The following PCDHA3 variants were observed in gnomAD, a reference collection of about 807,000 sequenced individuals.
PCDHA3 encodes protocadherin alpha-3.
In PCDHA3, 41 loss-of-function variants were observed where a neutral mutation model predicts 62.2. The ratio of observed to expected loss-of-function variants is 0.66; its 90% CI spans 0.51 to 0.86. PCDHA3 has a LOEUF of 0.86. Ranked by LOEUF, PCDHA3 falls within the 40% of genes least tolerant of loss-of-function variation. The pLI, the probability that PCDHA3 is intolerant of heterozygous loss-of-function variation, is 0.00. For synonymous variants in PCDHA3, 640 were observed against 555.4 expected, an observed-to-expected ratio of 1.15 and a Z score of -2.14; for missense variants, 1,304 against 1,241.2, an observed-to-expected ratio of 1.05 and a Z score of -0.76.
intron 1 of PCDHA3, chr5:140,968,323 C>T (rs1554230616): frequency 1.2e-6 from 2 of 1,614,114 alleles, no homozygotes; most frequent in East Asian, 2.2e-5. Flanking sequence ...TGCCAGTCAC[C>T]TCCTATGTCT....
intron 3 of PCDHA3, among the ~76,000 whole-genome samples, chr5:140,994,608 G>C (rs1231327885): frequency 1.3e-5 from 2 of 152,098 alleles, no homozygotes; most frequent in Admixed American, 1.3e-4. Context: ...GGGAGGCTGA[G>C]GCACGAGAGT....
chr5:140,843,762 T>G, intron 1 of PCDHA3: 4 of 1,493,648 alleles, frequency 2.7e-6, no homozygotes, highest in Non-Finnish European at 3.7e-6. Context: ...TTGTGGAAAT[T>G]GTAGTTACTT....
rs190030565 is a variant in PCDHA3, at chr5:140,999,153, C to T, written c.2543-10474C>T. Among the ~76,000 whole-genome samples, 42 of 152,242 alleles carry T rather than the reference C, an allele frequency of 2.8e-4. 1 individual carries two copies. In the East Asian group the frequency reaches 5.2e-3, roughly 19 times the overall value. Reference sequence around the variant, plus strand: ...AATGTCACAGCCGGAAGTCTTCAGTCCCCTAGAAGGAAAAGAGCCTGATGG... The same window carrying T: ...AATGTCACAGCCGGAAGTCTTCAGTTCCCTAGAAGGAAAAGAGCCTGATGG... On this transcript the variant is annotated intron_variant, in intron 3 of 3. Coordinates refer to ENST00000522353, the MANE Select transcript of PCDHA3 (RefSeq NM_018906.3).
rs201762893 is a variant in PCDHA3, at chr5:140,829,796, C to G, written c.2394+26205C>G. The stretch of plus-strand genomic sequence containing the variant: ...CAACGCGCCGGCGCTGCTGGCGCCT[C>G]GGGTGGGTGGTACTGGTGGTGCAGT... On this transcript the variant is annotated intron_variant, in intron 1 of 3. Transcript: ENST00000522353. The G allele has an allele frequency of 6.8e-4, 1,090 of 1,613,774 alleles. 9 individuals carry two copies. Among genetic ancestry groups the G allele is most frequent in the East Asian group, 3.1e-4 (14 of 44,862 alleles).
At chr5:140,985,148 A>G (rs2097138818) in intron 3 of PCDHA3, among the ~76,000 whole-genome samples, 1 of 152,192 alleles carries the variant, frequency 6.6e-6, no homozygotes, top group South Asian at 2.1e-4. Context: ...CGTGTTAGCC[A>G]GGATTGTCTC....
rs145175505 is a variant in PCDHA3 at position 140,843,176 on chromosome 5, C to G, written c.2394+39585C>G. On this transcript the variant is annotated intron_variant, in intron 1 of 3. Coordinates refer to ENST00000522353, the MANE Select transcript of PCDHA3 (RefSeq NM_018906.3). Reference sequence around the variant, plus strand: ...GCTGCAGCCAGCTGCAAGCAGCCCTCGCATCCCGTTCCGCGTGGGGCTGTA... The same window carrying G: ...GCTGCAGCCAGCTGCAAGCAGCCCTGGCATCCCGTTCCGCGTGGGGCTGTA... 2 of 1,595,968 alleles carry G rather than the reference C, an allele frequency of 1.3e-6. No homozygotes were observed. Among genetic ancestry groups the G allele is most frequent in the Non-Finnish European group, 1.7e-6 (2 of 1,165,618 alleles).
At chr5:140,857,347 G>A (rs781930086) in intron 1 of PCDHA3, 5 of 1,598,352 alleles carry the variant, frequency 3.1e-6, no homozygotes, top group Non-Finnish European at 4.3e-6. Context: ...GCTCGCCTCC[G>A]CTGTGGGCCA....
intron 1 of PCDHA3, chr5:140,850,280 C>G: frequency 6.3e-7 from 1 of 1,595,478 alleles, no homozygotes; most frequent in Non-Finnish European, 8.6e-7. Flanking sequence ...GGAAGGTGCG[C>G]GCAGTGGACG....
intron 1 of PCDHA3, among the ~76,000 whole-genome samples, chr5:140,806,403 G>A (rs2149990509): frequency 6.6e-6 from 1 of 152,328 alleles, no homozygotes; most frequent in South Asian, 2.1e-4. Context: ...GAGCAAATGA[G>A]TTCCAATGAA....
At chr5:140,936,007 C>G (rs1338541274) in intron 1 of PCDHA3, among the ~76,000 whole-genome samples, 3 of 151,820 alleles carry the variant, frequency 2.0e-5, no homozygotes, top group African/African-American at 7.3e-5. Flanking sequence ...ATTCTCCCAC[C>G]TCAGCCTCCC....
chr5:140,989,517 G>A (rs782479733), intron 3 of PCDHA3, among the ~76,000 whole-genome samples: 4 of 152,186 alleles, frequency 2.6e-5, no homozygotes, highest in Non-Finnish European at 5.9e-5. Flanking sequence ...CCTGAGTTGA[G>A]GGCAGAGGAG....
intron 1 of PCDHA3, chr5:140,871,236 ACTCACGCTG>A: frequency 6.2e-7 from 1 of 1,613,908 alleles, no homozygotes; most frequent in Non-Finnish European, 8.5e-7. Context: ...GCCTCCTGGT[ACTCACGCTG>A]CTGCTGTATA....
At chr5:140,900,439 G>A (rs1348507716) in intron 1 of PCDHA3, among the ~76,000 whole-genome samples, 1 of 152,242 alleles carries the variant, frequency 6.6e-6, no homozygotes, top group East Asian at 1.9e-4. Context: ...CACCACGGCC[G>A]GCTAATTTTT....
chr5:140,821,818 C>A (rs2150110857), intron 1 of PCDHA3: 1 of 1,613,972 alleles, frequency 6.2e-7, no homozygotes, highest in Non-Finnish European at 8.5e-7. Context: ...CCGGCTCCTG[C>A]TGCTCTGGCT....
chr5:140,857,289 G>A lies in PCDHA3; in HGVS notation c.2394+53698G>A, dbSNP rs782361309. The A allele has an allele frequency of 3.8e-6, 6 of 1,598,692 alleles. No homozygotes were observed. In the South Asian group the frequency reaches 4.4e-5, roughly 12 times the overall value. ...TTGGTGCTGGACAGCGCTCTGGACC[G>A]CGAGAGGGTGTCGGCCTATGAGCTG... On this transcript the variant is annotated intron_variant, in intron 1 of 3. Coordinates refer to ENST00000522353, the MANE Select transcript of PCDHA3 (RefSeq NM_018906.3).
chr5:140,847,921 C>T lies in PCDHA3; in HGVS notation c.2394+44330C>T, dbSNP rs1781251714. ...GTAGATTTCTGGGCTCCTATATTCA[C>T]TAGAGATTGCAACTCCTGGATTTCT... On this transcript the variant is annotated intron_variant, in intron 1 of 3. Transcript: ENST00000522353. 2 of 150,926 alleles carry T rather than the reference C, an allele frequency of 1.3e-5. 1 individual carries two copies. Among genetic ancestry groups the T allele is most frequent in the Non-Finnish European group, 2.9e-5 (2 of 67,862 alleles). 9.3% of individuals were successfully genotyped at this position (150,926 alleles called of 1,614,324 possible).
intron 1 of PCDHA3, chr5:140,968,207 A>C: frequency 6.2e-7 from 1 of 1,614,000 alleles, no homozygotes; most frequent in Non-Finnish European, 8.5e-7. Context: ...CATACAGGAG[A>C]ACAATTTGCC....
chr5:140,948,495 G>T (rs2094260954), intron 1 of PCDHA3, among the ~76,000 whole-genome samples: 1 of 151,424 alleles, frequency 6.6e-6, no homozygotes, highest in African/African-American at 2.4e-5. Context: ...TTCTTTCATA[G>T]ACTTTCTATT....
intron 1 of PCDHA3, chr5:140,882,945 T>C (rs1554176195): frequency 6.2e-7 from 1 of 1,614,194 alleles, no homozygotes; most frequent in Non-Finnish European, 8.5e-7. Flanking sequence ...ACTGGCACAG[T>C]TCAGCTGCTC....
Sources: gnomAD v4.1 joint callset for allele counts (sites outside exome capture counted in the v4.1 genomes callset) on GRCh38, gnomAD v4.1.1 for gene constraint, MANE v1.5 for transcripts, NCBI Gene and HGNC (gene_info 2026-07-23, HGNC 2026-07-21) for gene names.